Variants in CDK6 observed in about 807,000 individuals in gnomAD.
The protein encoded by CDK6 is cyclin dependent kinase 6, also known as cyclin-dependent kinase 6.
In CDK6, 6 loss-of-function variants were observed where a neutral mutation model predicts 37.1. That is an observed-to-expected ratio of 0.16 (90% CI 0.09 to 0.32). CDK6 has a LOEUF of 0.32. Ranked by LOEUF, CDK6 falls within the 10% of genes least tolerant of loss-of-function variation. The pLI is 1.00. For missense variants in CDK6, 224 were observed against 418.9 expected (o/e 0.53, Z 4.06); for synonymous variants, 160 against 161.3 (o/e 0.99, Z 0.06).
At chr7:92,656,651 T>C (rs1454027274) in intron 5 of CDK6, among the ~76,000 whole-genome samples, 1 of 152,196 alleles carries the variant, frequency 6.6e-6, no homozygotes, top group Non-Finnish European at 1.5e-5. Context: ...TCAACTCAGA[T>C]TGGAGGTCCA....
rs1200516311 is a variant in CDK6, at chr7:92,680,204, G to T, written c.538-8669C>A. On this transcript the variant is annotated intron_variant, in intron 4 of 7. Transcript: ENST00000424848. ...TCCCAGCACTTTGGGAGGCTGAGGAGGGCGGATGACCTGAGGTTGGGAGTT... is the reference window on the plus strand; with the variant it reads ...TCCCAGCACTTTGGGAGGCTGAGGATGGCGGATGACCTGAGGTTGGGAGTT... Among the ~76,000 whole-genome samples the T allele has an allele frequency of 2.7e-5, 4 of 150,806 alleles. No individual in the cohort carries two copies. The East Asian group carries it at 8.0e-4, about 30-fold the overall frequency.
chr7:92,778,091 G>A (rs1445118087), intron 2 of CDK6, among the ~76,000 whole-genome samples: 27 of 142,220 alleles, frequency 1.9e-4, no homozygotes, highest in South Asian at 4.4e-4. Flanking sequence ...TAAAGGAAAC[G>A]AAAAAAAAAA....
At chr7:92,667,053 C>T (rs1193809955) in intron 5 of CDK6, among the ~76,000 whole-genome samples, 1 of 151,906 alleles carries the variant, frequency 6.6e-6, no homozygotes, top group Non-Finnish European at 1.5e-5. Context: ...ATTGACCATC[C>T]TGATTCTGTG....
At chr7:92,729,425 T>C (rs1279830274) in intron 3 of CDK6, among the ~76,000 whole-genome samples, 1 of 152,214 alleles carries the variant, frequency 6.6e-6, no homozygotes, top group African/African-American at 2.4e-5. Context: ...AGTTTGAACA[T>C]TTAGTCATAC....
chr7:92,643,929 T>C (rs1269138997), intron 5 of CDK6, among the ~76,000 whole-genome samples: 3 of 152,190 alleles, frequency 2.0e-5, no homozygotes, highest in Non-Finnish European at 2.9e-5. Context: ...TTCTTCCCCA[T>C]GGAATTGTCA....
At chr7:92,735,458 T>C (rs1228528614) in intron 3 of CDK6, among the ~76,000 whole-genome samples, 1 of 152,134 alleles carries the variant, frequency 6.6e-6, no homozygotes, top group East Asian at 1.9e-4. Context: ...AAGTCCCAAT[T>C]TTTTGGAGCC....
intron 6 of CDK6, among the ~76,000 whole-genome samples, chr7:92,619,218 T>G (rs1339036935): frequency 6.6e-6 from 1 of 152,204 alleles, no homozygotes; most frequent in East Asian, 1.9e-4. Flanking sequence ...AATACATCAC[T>G]ACCACACTTA....
chr7:92,648,039 C>G (rs1212532181), intron 5 of CDK6, among the ~76,000 whole-genome samples: 1 of 152,098 alleles, frequency 6.6e-6, no homozygotes, highest in Non-Finnish European at 1.5e-5. Context: ...CTTAACTGAC[C>G]ATTATAAAAG....
intron 2 of CDK6, among the ~76,000 whole-genome samples, chr7:92,813,118 T>C (rs2115949000): frequency 6.6e-6 from 1 of 152,348 alleles, no homozygotes; most frequent in South Asian, 2.1e-4. Context: ...TCATAGTAAT[T>C]CATGATTTGG....
rs1336911391 is a variant in CDK6, at chr7:92,613,327, C to T, written c.*1813G>A. The T allele has an allele frequency of 4.3e-6, 1 of 233,272 alleles. No individual in the cohort carries two copies. The highest frequency in any genetic ancestry group is 6.0e-5 in the East Asian group (1 of 16,588). The allele number at this position is 233,272 out of a possible 1,614,324, so 14.5% of individuals were successfully genotyped here. A position where few individuals can be genotyped will look rare whatever the true frequency, so the allele number is the denominator to read the frequency against. On this transcript the variant is annotated 3_prime_UTR_variant, in exon 8 of 8. Transcript: ENST00000424848. ...TGAATTATTTTCTGAGTGCAGCAACCTCCATTCTTTGAAAATCCTAACCCT... is the reference window on the plus strand; with the variant it reads ...TGAATTATTTTCTGAGTGCAGCAACTTCCATTCTTTGAAAATCCTAACCCT...
At chr7:92,726,641 G>A (rs1798518899) in intron 3 of CDK6, among the ~76,000 whole-genome samples, 1 of 152,108 alleles carries the variant, frequency 6.6e-6, no homozygotes, top group African/African-American at 2.4e-5. Context: ...AAACTCTTGG[G>A]CTCAAGCTAT....
At chr7:92,640,261 G>C (rs1383703804) in intron 5 of CDK6, among the ~76,000 whole-genome samples, 1 of 152,192 alleles carries the variant, frequency 6.6e-6, no homozygotes, top group Admixed American at 6.5e-5. Flanking sequence ...AGTGCAAATG[G>C]AAGGGGGCCC....
chr7:92,719,112 A>C (rs1414739382), intron 4 of CDK6, among the ~76,000 whole-genome samples: 1 of 152,204 alleles, frequency 6.6e-6, no homozygotes, highest in African/African-American at 2.4e-5. Flanking sequence ...AGGCACAGGA[A>C]GGGGATGTAA....
intron 5 of CDK6, among the ~76,000 whole-genome samples, chr7:92,650,871 C>T (rs1205180857): frequency 1.3e-5 from 2 of 152,060 alleles, no homozygotes; most frequent in East Asian, 1.9e-4. Flanking sequence ...ATCTCTTTTG[C>T]TTCTAGCCTG....
chr7:92,751,846 T>C (rs1438631222), intron 3 of CDK6, among the ~76,000 whole-genome samples: 2 of 152,116 alleles, frequency 1.3e-5, no homozygotes, highest in Non-Finnish European at 2.9e-5. Context: ...ATTTCTGAAT[T>C]TATTTTATAC....
At chr7:92,780,807 C>CA (rs986366919) in intron 2 of CDK6, among the ~76,000 whole-genome samples, 22 of 144,646 alleles carry the variant, frequency 1.5e-4, no homozygotes, top group South Asian at 4.5e-4. Flanking sequence ...ACAACAACAA[C>CA]AAAAAAAACC....
At chr7:92,634,433 T>C (rs1283943722) in intron 5 of CDK6, among the ~76,000 whole-genome samples, 1 of 152,110 alleles carries the variant, frequency 6.6e-6, no homozygotes, top group African/African-American at 2.4e-5. Flanking sequence ...TGTAGTTGCA[T>C]AATGTATTTT....
intron 4 of CDK6, among the ~76,000 whole-genome samples, chr7:92,682,034 T>C (rs1032881738): frequency 2.6e-5 from 4 of 152,078 alleles, no homozygotes; most frequent in African/African-American, 9.7e-5. Context: ...TTTCCCTACT[T>C]CTCTTGACTT....
intron 2 of CDK6, among the ~76,000 whole-genome samples, chr7:92,781,725 C>T (rs1799997548): frequency 2.0e-5 from 3 of 152,054 alleles, no homozygotes; most frequent in Admixed American, 2.0e-4. Context: ...TCAAATAGTT[C>T]AAGAGCTGAG....
Sources: allele counts gnomAD v4.1 joint callset (sites outside exome capture counted in the v4.1 genomes callset), GRCh38; gene constraint gnomAD v4.1.1; transcripts MANE v1.5; gene names NCBI Gene and HGNC (gene_info 2026-07-23, HGNC 2026-07-21).